The following THSD7A variants were observed in gnomAD, a reference collection of about 807,000 sequenced individuals.
The protein encoded by THSD7A is thrombospondin type 1 domain containing 7A.
Under a neutral mutation model 231.3 loss-of-function variants are expected in THSD7A, and 96 were observed. That is an observed-to-expected ratio of 0.41 (90% CI 0.35 to 0.49). The LOEUF is 0.49. Among genes scored for constraint, THSD7A ranks in the 20% least tolerant of loss-of-function variants. The probability of loss-of-function intolerance (pLI) is 0.05; values close to 1 mark genes in which losing one functional copy is unlikely to be tolerated. For synonymous variants in THSD7A, 940 were observed against 743.3 expected (o/e 1.26, Z -4.30); for missense variants, 2,290 against 2,070.2 (o/e 1.11, Z -2.06).
chr7:11,501,013 A>AT (rs1787313049), intron 6 of THSD7A, among the ~76,000 whole-genome samples: 1 of 144,858 alleles, frequency 6.9e-6, no homozygotes, highest in Non-Finnish European at 1.5e-5. Flanking sequence ...ACCAACAAAG[A>AT]TAAAAAAAAA....
At chr7:11,653,872 T>C (rs1782608053) in intron 1 of THSD7A, among the ~76,000 whole-genome samples, 1 of 152,030 alleles carries the variant, frequency 6.6e-6, no homozygotes, top group African/African-American at 2.4e-5. Flanking sequence ...ATAATGTTAC[T>C]ATAAAAATAC....
At chr7:11,404,517 C>T (rs375666003) in intron 22 of THSD7A, among the ~76,000 whole-genome samples, 25 of 152,192 alleles carry the variant, frequency 1.6e-4, no homozygotes, top group African/African-American at 6.0e-4. Context: ...ACATCAAGGT[C>T]CAAAGGTTCA....
At chr7:11,800,157 A>G (rs1427848250) in intron 1 of THSD7A, among the ~76,000 whole-genome samples, 1 of 152,184 alleles carries the variant, frequency 6.6e-6, no homozygotes, top group African/African-American at 2.4e-5. Flanking sequence ...GCAGGAGTCT[A>G]GAGAAGCCCC....
At chr7:11,519,390 T>C (rs2128315688) in intron 6 of THSD7A, among the ~76,000 whole-genome samples, 1 of 151,286 alleles carries the variant, frequency 6.6e-6, no homozygotes, top group East Asian at 1.9e-4. Flanking sequence ...TTCCTTTACA[T>C]GTATTTAATG....
At chr7:11,605,134 T>A (rs1269830540) in intron 2 of THSD7A, among the ~76,000 whole-genome samples, 1 of 152,086 alleles carries the variant, frequency 6.6e-6, no homozygotes, top group South Asian at 2.1e-4. Flanking sequence ...TTACTTAGAA[T>A]TGACATATTT....
chr7:11,609,865 T>C (rs1294297025), intron 2 of THSD7A, among the ~76,000 whole-genome samples: 1 of 152,060 alleles, frequency 6.6e-6, no homozygotes, highest in East Asian at 1.9e-4. Flanking sequence ...AAAGAAACAA[T>C]TGGCCTGGAG....
At position 11,401,814 on chromosome 7, in the gene THSD7A, T is replaced by C. The variant is rs1014419616; in HGVS notation, c.4392A>G (p.Leu1464=). Residue 1464 remains leucine (L), a synonymous_variant, in exon 23 of 28, where the codon TTA becomes TTG. Coordinates refer to ENST00000423059, the MANE Select transcript of THSD7A (RefSeq NM_015204.3). Reference sequence around the variant, plus strand: ...ACTCACCATAACATGATTTTGTTTCTAACATCTGCTCTGGGCACAGATGCT... The same window carrying C: ...ACTCACCATAACATGATTTTGTTTCCAACATCTGCTCTGGGCACAGATGCT... ...ENQHLCPEQM[L]ETKSCYDGQC... 6.2e-7 allele frequency: 1 copy of C among 1,613,314 alleles called. No homozygotes were observed. Among genetic ancestry groups the C allele is most frequent in the Non-Finnish European group, 8.5e-7 (1 of 1,179,626 alleles).
At chr7:11,775,914 G>C (rs1249117706) in intron 1 of THSD7A, among the ~76,000 whole-genome samples, 1 of 152,108 alleles carries the variant, frequency 6.6e-6, no homozygotes, top group Non-Finnish European at 1.5e-5. Flanking sequence ...TACTAACTGT[G>C]AACATTTAAA....
chr7:11,762,120 A>T (rs1036957154), intron 1 of THSD7A, among the ~76,000 whole-genome samples: 1 of 152,144 alleles, frequency 6.6e-6, no homozygotes, highest in Non-Finnish European at 1.5e-5. Flanking sequence ...CATGGTGTAT[A>T]CCTACCACAT....
chr7:11,575,582 T>G (rs1584009304), intron 4 of THSD7A, among the ~76,000 whole-genome samples: 3 of 152,206 alleles, frequency 2.0e-5, no homozygotes, highest in Admixed American at 6.5e-5. Context: ...GCAGAAGAGC[T>G]GTACTCCAGA....
At chr7:11,801,421 A>T (rs968160214) in intron 1 of THSD7A, among the ~76,000 whole-genome samples, 1 of 152,130 alleles carries the variant, frequency 6.6e-6, no homozygotes, top group Non-Finnish European at 1.5e-5. Flanking sequence ...GCATGTGCGA[A>T]GTATGGATAA....
chr7:11,583,947 G>A (rs1466699696), intron 4 of THSD7A, among the ~76,000 whole-genome samples: 1 of 152,110 alleles, frequency 6.6e-6, no homozygotes, highest in Non-Finnish European at 1.5e-5. Flanking sequence ...TAAGACTGAG[G>A]CTGACCTATT....
chr7:11,723,476 A>G (rs1001957507), intron 1 of THSD7A, among the ~76,000 whole-genome samples: 4 of 151,700 alleles, frequency 2.6e-5, no homozygotes. Flanking sequence ...AAAGTATAAT[A>G]AAAAAAATAA....
chr7:11,529,554 G>C (rs938164132), intron 6 of THSD7A, among the ~76,000 whole-genome samples: 3 of 151,826 alleles, frequency 2.0e-5, no homozygotes, highest in African/African-American at 7.3e-5. Flanking sequence ...TAGTGAGGGA[G>C]TTTTGACAAG....
At chr7:11,613,146 C>T (rs1353170342) in intron 2 of THSD7A, among the ~76,000 whole-genome samples, 1 of 152,168 alleles carries the variant, frequency 6.6e-6, no homozygotes, top group Admixed American at 6.5e-5. Context: ...AGGGGATTCC[C>T]ACCACATTGA....
chr7:11,378,342 G>C (rs746101511), intron 26 of THSD7A, among the ~76,000 whole-genome samples: 5 of 152,198 alleles, frequency 3.3e-5, no homozygotes, highest in Non-Finnish European at 5.9e-5. Context: ...CACCAGGTTA[G>C]TTCTAGGGAT....
chr7:11,441,941 C>T (rs1425500623), intron 13 of THSD7A, among the ~76,000 whole-genome samples: 1 of 151,918 alleles, frequency 6.6e-6, no homozygotes, highest in African/African-American at 2.4e-5. Context: ...TGTAACAAAC[C>T]TGCAGGTTCT....
Position 11,371,065 on chromosome 7 carries a change from C to T in THSD7A, c.*4729G>A, listed in dbSNP as rs1208857954. Reference sequence around the variant, plus strand: ...TTTTTGATCACTGAAAACATGACTCCCACAAACTAAAGCTCTTCATATACT... The same window carrying T: ...TTTTTGATCACTGAAAACATGACTCTCACAAACTAAAGCTCTTCATATACT... On this transcript the variant is annotated 3_prime_UTR_variant, in exon 28 of 28. Coordinates refer to ENST00000423059, the MANE Select transcript of THSD7A (RefSeq NM_015204.3). 2.6e-5 allele frequency: 4 copies of T among 152,070 alleles called. No homozygotes were observed. Among genetic ancestry groups the T allele is most frequent in the Non-Finnish European group, 4.4e-5 (3 of 68,012 alleles). 9.4% of individuals were successfully genotyped at this position (152,070 alleles called of 1,614,324 possible).
Position 11,382,701 on chromosome 7 carries a change from T to C in THSD7A, c.4412-85A>G, listed in dbSNP as rs199852652. On this transcript the variant is annotated intron_variant, in intron 23 of 27. Coordinates refer to ENST00000423059, the MANE Select transcript of THSD7A (RefSeq NM_015204.3). ...GGATAGAGTATTAATAACATATTAC[T>C]GAAAAGTAATAAGCTCATCTCTGAT... is the stretch of plus-strand genomic sequence containing the variant. 3.1e-5 allele frequency: 31 copies of C among 1,012,984 alleles called. No homozygotes were observed. In the East Asian group the frequency reaches 6.9e-4, roughly 23 times the overall value. The allele number at this position is 1,012,984 out of a possible 1,614,324, so 62.7% of individuals were successfully genotyped here. A position where few individuals can be genotyped will look rare whatever the true frequency, so the allele number is the denominator to read the frequency against.
Sources: allele counts gnomAD v4.1 joint callset (sites outside exome capture counted in the v4.1 genomes callset), GRCh38; gene constraint gnomAD v4.1.1; transcripts MANE v1.5; gene names NCBI Gene and HGNC (gene_info 2026-07-23, HGNC 2026-07-21).